The following ACOT7 variants were observed in gnomAD, a reference collection of about 807,000 sequenced individuals.
The protein encoded by ACOT7 is cytosolic acyl coenzyme A thioester hydrolase.
ACOT7 carries 12 observed loss-of-function variants against 40.2 expected under a neutral mutation model. That is an observed-to-expected ratio of 0.30 (90% confidence interval 0.19 to 0.48). ACOT7 has a LOEUF of 0.48. Among genes scored for constraint, ACOT7 ranks in the 20% least tolerant of loss-of-function variants. ACOT7 has a pLI of 0.99. For missense variants in ACOT7, 395 were observed against 530.8 expected (o/e 0.74, Z 2.51); for synonymous variants, 228 against 219.5 (o/e 1.04, Z -0.34).
chr1:6,308,623 ACAACAGGCAGAAGGAACAG>A (rs1354160020), intron 6 of ACOT7, among the ~76,000 whole-genome samples: 1,466 of 127,538 alleles, frequency 0.011, 20 homozygotes, highest in Non-Finnish European at 0.014. Flanking sequence ...AGAGGGAACC[ACAACAGGCAGAAGGAACAG>A]CAACAGGCAG....
At chr1:6,269,833 G>C (rs2148364051) in intron 8 of ACOT7, among the ~76,000 whole-genome samples, 1 of 152,380 alleles carries the variant, frequency 6.6e-6, no homozygotes. Flanking sequence ...GTCCAGACCA[G>C]CCCAGGAGCC....
intron 8 of ACOT7, among the ~76,000 whole-genome samples, chr1:6,270,099 C>T (rs935029334): frequency 2.6e-5 from 4 of 152,202 alleles, no homozygotes; most frequent in African/African-American, 9.7e-5. Context: ...CTCCCCAGGT[C>T]ATGGCTTTGC....
intron 8 of ACOT7, among the ~76,000 whole-genome samples, chr1:6,280,431 G>A (rs186232741): frequency 6.6e-6 from 1 of 152,358 alleles, no homozygotes; most frequent in East Asian, 1.9e-4. Context: ...CATGCCAGGC[G>A]GAGAACCACC....
chr1:6,368,765 G>A (rs1642069556), intron 1 of ACOT7, among the ~76,000 whole-genome samples: 2 of 152,202 alleles, frequency 1.3e-5, no homozygotes, highest in Non-Finnish European at 2.9e-5. Flanking sequence ...TGGGGGCGGT[G>A]CAGTCAGCTG....
intron 1 of ACOT7, among the ~76,000 whole-genome samples, chr1:6,369,675 T>TTCATGCCATTCTCCTGCC (rs1642091766): frequency 6.6e-6 from 1 of 152,056 alleles, no homozygotes; most frequent in African/African-American, 2.4e-5. Flanking sequence ...GCCTTCCAGG[T>TTCATGCCATTCTCCTGCC]TCATGCCATT....
intron 6 of ACOT7, among the ~76,000 whole-genome samples, chr1:6,310,923 A>G (rs1452400616): frequency 6.6e-6 from 1 of 152,142 alleles, no homozygotes; most frequent in Non-Finnish European, 1.5e-5. Context: ...TTTTTAGTAG[A>G]GACGAGATTT....
At chr1:6,390,521 G>A (rs184508875) in intron 1 of ACOT7, among the ~76,000 whole-genome samples, 277 of 152,254 alleles carry the variant, frequency 1.8e-3, no homozygotes, top group Non-Finnish European at 2.5e-3. Flanking sequence ...GCAGTTAGCC[G>A]AGAGTGTGTC....
In ACOT7 at chr1:6,358,451, G is replaced by A. The variant is rs946328458; in HGVS notation, c.144-8585C>T. Reference sequence around the variant, plus strand: ...CACCGCAGGTAGGAAGCTCAGCAGCGCTGGGAAACCGCAGTGAACCCAGCC... The same window carrying A: ...CACCGCAGGTAGGAAGCTCAGCAGCACTGGGAAACCGCAGTGAACCCAGCC... On this transcript the variant is annotated intron_variant, in intron 1 of 8. Coordinates refer to ENST00000361521, the MANE Select transcript of ACOT7 (RefSeq NM_007274.4). The surrounding 1 kb of genome is among the most constrained non-coding windows in gnomAD (Gnocchi z 4.1). Among the ~76,000 whole-genome samples the A allele has an allele frequency of 2.0e-5, 3 of 152,206 alleles. No individual in the cohort carries two copies. Among genetic ancestry groups the A allele is most frequent in the East Asian group, 1.9e-4 (1 of 5,196 alleles).
chr1:6,291,431 CCT>C (rs1404732397), intron 7 of ACOT7, among the ~76,000 whole-genome samples: 1 of 152,106 alleles, frequency 6.6e-6, no homozygotes, highest in Admixed American at 6.5e-5. Context: ...CGGATCCTCC[CCT>C]GACTTCAGAG....
chr1:6,368,508 C>T (rs369661474), intron 1 of ACOT7, among the ~76,000 whole-genome samples: 2 of 152,188 alleles, frequency 1.3e-5, no homozygotes, highest in African/African-American at 2.4e-5. Context: ...TGGGGCCCCT[C>T]TCTGCCCGCA....
intron 6 of ACOT7, 102 bp from the exon 7 acceptor site, chr1:6,295,082 C>A (rs1030719350): frequency 1.1e-6 from 1 of 874,372 alleles, no homozygotes; most frequent in Non-Finnish European, 1.8e-6. Flanking sequence ...TCCCACTAGC[C>A]ACCAGCAAGG....
At chr1:6,375,180 G>A (rs758642458) in intron 1 of ACOT7, among the ~76,000 whole-genome samples, 74 of 151,206 alleles carry the variant, frequency 4.9e-4, no homozygotes, top group Non-Finnish European at 8.8e-4. Flanking sequence ...GGAGAATGGC[G>A]GGAACCCAGG....
chr1:6,375,665 A>G (rs61763931), intron 1 of ACOT7, among the ~76,000 whole-genome samples: 7,487 of 151,690 alleles, frequency 0.049, 247 homozygotes, highest in East Asian at 0.12. Flanking sequence ...GGCCGGGCGC[A>G]GTGGCTCACG....
chr1:6,302,466 G>A (rs544912004), intron 6 of ACOT7, among the ~76,000 whole-genome samples: 5 of 152,208 alleles, frequency 3.3e-5, no homozygotes, highest in Admixed American at 2.0e-4. Flanking sequence ...GATCAGAGGC[G>A]GGAGCAGAAA....
intron 4 of ACOT7, among the ~76,000 whole-genome samples, chr1:6,331,529 A>G (rs1274614200): frequency 3.3e-5 from 5 of 152,168 alleles, no homozygotes; most frequent in Non-Finnish European, 7.3e-5. Flanking sequence ...ATCAACTTCT[A>G]TTGTTTGAGA....
intron 4 of ACOT7, among the ~76,000 whole-genome samples, chr1:6,329,502 A>T (rs1343073218): frequency 6.6e-6 from 1 of 151,450 alleles, no homozygotes; most frequent in Non-Finnish European, 1.5e-5. Flanking sequence ...TTTTTTTTTT[A>T]AAGGAGCCAG....
chr1:6,281,027 C>A (rs981023124), intron 8 of ACOT7, 75 bp downstream of exon 8: 2 of 1,539,950 alleles, frequency 1.3e-6, no homozygotes, highest in Non-Finnish European at 1.7e-6. Flanking sequence ...CACAGATTCC[C>A]CCTGGAGGCC....
intron 8 of ACOT7, among the ~76,000 whole-genome samples, chr1:6,269,476 C>A (rs1453057998): frequency 1.3e-5 from 2 of 152,232 alleles, no homozygotes; most frequent in Non-Finnish European, 2.9e-5. Flanking sequence ...GCCACCAGGC[C>A]ATCGAGCATT....
At chr1:6,280,989 C>A in intron 8 of ACOT7, 113 bp downstream of exon 8, 1 of 1,412,550 alleles carries the variant, frequency 7.1e-7, no homozygotes, top group African/African-American at 1.4e-5. Flanking sequence ...TACTCTGACC[C>A]CTACTGACAG....
Sources: gnomAD v4.1 joint callset for allele counts (sites outside exome capture counted in the v4.1 genomes callset) on GRCh38, gnomAD v4.1.1 for gene constraint, Gnocchi (gnomAD v3.1) non-coding constraint, MANE v1.5 for transcripts, NCBI Gene and HGNC (gene_info 2026-07-23, HGNC 2026-07-21) for gene names.